RFFL: variants seen among roughly 807,000 people sequenced by gnomAD.
The protein encoded by RFFL is ring finger and FYVE like domain containing E3 ubiquitin protein ligase, also known as E3 ubiquitin-protein ligase rififylin.
A neutral mutation model predicts 40.4 loss-of-function variants in RFFL; 16 were observed. The ratio of observed to expected loss-of-function variants is 0.40; its 90% CI spans 0.27 to 0.60. The LOEUF (loss-of-function observed/expected upper bound fraction) is 0.60, where lower values mean the gene tolerates loss of function less well. Among genes scored for constraint, RFFL ranks in the 20% least tolerant of loss-of-function variants. RFFL has a pLI of 0.47. For synonymous variants in RFFL, 154 were observed against 167.9 expected, an observed-to-expected ratio of 0.92 and a Z score of 0.64; for missense variants, 367 against 451.7, an observed-to-expected ratio of 0.81 and a Z score of 1.70.
chr17:35,019,256 AG>A (rs1158639681), intron 3 of RFFL, among the ~76,000 whole-genome samples: 2 of 152,222 alleles, frequency 1.3e-5, no homozygotes, highest in African/African-American at 2.4e-5. Flanking sequence ...AAAATCTCAG[AG>A]GAAAAGTACC....
At chr17:35,068,288 C>T (rs2142375164), upstream of RFFL, among the ~76,000 whole-genome samples, 1 of 152,282 alleles carries the variant, frequency 6.6e-6, no homozygotes, top group Middle Eastern at 3.4e-3. Flanking sequence ...AACTTATCGC[C>T]AGAGTATCAG....
At chr17:35,030,760 C>T (rs576945215) in intron 1 of RFFL, among the ~76,000 whole-genome samples, 9 of 151,908 alleles carry the variant, frequency 5.9e-5, no homozygotes, top group South Asian at 2.1e-4. Context: ...TTAAATCACA[C>T]GTTGACAGAC....
chr17:35,069,238 A>T, intron 1 of RFFL: 1 of 456,714 alleles, frequency 2.2e-6, no homozygotes, highest in Non-Finnish European at 4.4e-6. Flanking sequence ...CCAATAAGTC[A>T]AACTTCCTAA....
At chr17:35,051,493 A>G (rs2091231474) in intron 1 of RFFL, among the ~76,000 whole-genome samples, 1 of 152,212 alleles carries the variant, frequency 6.6e-6, no homozygotes. Flanking sequence ...TTCAGTGACA[A>G]TAAAGTACAT....
intron 1 of RFFL, among the ~76,000 whole-genome samples, chr17:35,079,460 G>A (rs117780443): frequency 1.3e-5 from 2 of 152,144 alleles, no homozygotes; most frequent in African/African-American, 2.4e-5. Flanking sequence ...AATTGTCAAC[G>A]TATTTTCCTT....
At chr17:35,058,290 A>G (rs2091271834) in intron 1 of RFFL, among the ~76,000 whole-genome samples, 1 of 152,184 alleles carries the variant, frequency 6.6e-6, no homozygotes, top group Non-Finnish European at 1.5e-5. Context: ...TTATGTGCCA[A>G]CACAACACCC....
intron 1 of RFFL, among the ~76,000 whole-genome samples, chr17:35,038,013 C>T (rs2091134889): frequency 6.6e-6 from 1 of 150,906 alleles, no homozygotes; most frequent in Non-Finnish European, 1.5e-5. Context: ...AGCAGACGGG[C>T]ATGGTGGCTC....
chr17:35,021,448 G>A lies in RFFL; in HGVS notation c.514C>T (p.Pro172Ser). 6.4e-7 allele frequency: 1 copy of A among 1,552,896 alleles called. No homozygotes were observed. Among genetic ancestry groups the A allele is most frequent in the Non-Finnish European group, 8.7e-7 (1 of 1,152,234 alleles). The change falls in exon 3 of 7, where the codon CCT becomes TCT. Residue 172 changes from proline to serine, a missense_variant. By Grantham distance (74) the Pro-to-Ser change is moderately conservative. Coordinates refer to ENST00000394597, the MANE Select transcript of RFFL (RefSeq NM_001017368.2). ...LTQPHSSMVP[P>S]TSPNLPSSSA... Reference sequence around the variant, plus strand: ...GAAGAGGGGAGGTTGGGTGAGGTAGGTGGAACCATGCTGGAGTGAGGCTGG... The same window carrying A: ...GAAGAGGGGAGGTTGGGTGAGGTAGATGGAACCATGCTGGAGTGAGGCTGG...
At chr17:35,032,956 G>T (rs1026431404) in intron 1 of RFFL, among the ~76,000 whole-genome samples, 1 of 152,076 alleles carries the variant, frequency 6.6e-6, no homozygotes, top group Non-Finnish European at 1.5e-5. Context: ...TGTGCTCTTT[G>T]CCTAAGCAGT....
rs577248889 is a variant in RFFL at position 35,058,906 on chromosome 17, A to C, written c.-9+4670T>G. On this transcript the variant is annotated intron_variant, in intron 1 of 6. Transcript: ENST00000394597. ...TGGGCTATAATTGTGACTTACTCTG[A>C]CAAAAAGAATGGGGCAAAAGTGATG... 4.0e-4 allele frequency among the ~76,000 whole-genome samples: 61 copies of C among 152,192 alleles called. 1 individual carries two copies. In the South Asian group the frequency reaches 0.012, roughly 30 times the overall value.
chr17:35,036,164 A>C (rs1267193543), intron 1 of RFFL, among the ~76,000 whole-genome samples: 2 of 152,234 alleles, frequency 1.3e-5, no homozygotes, highest in Non-Finnish European at 2.9e-5. Context: ...ACGCTATATA[A>C]GCTAAAATAC....
chr17:35,048,031 C>G (rs190050392), intron 1 of RFFL, among the ~76,000 whole-genome samples: 1 of 152,092 alleles, frequency 6.6e-6, no homozygotes, highest in Admixed American at 6.5e-5. Flanking sequence ...GGATTATAGG[C>G]GTGAACCACT....
chr17:35,041,956 A>G (rs1169338263), intron 1 of RFFL, among the ~76,000 whole-genome samples: 1 of 152,204 alleles, frequency 6.6e-6, no homozygotes, highest in Non-Finnish European at 1.5e-5. Context: ...CAGAGGTTGC[A>G]GTGAGCCAAG....
chr17:35,016,394 C>G lies in RFFL; in HGVS notation c.862G>C (p.Asp288His). The stretch of plus-strand genomic sequence containing the variant: ...CCCAGGTGCTGGAGTCCTTTCTGAT[C>G]CTTGTATAGCCGGGTCACTCTCTCC... ...LMERVTRLYK[D>H]QKGLQHLVSG... The change falls in exon 5 of 7, where the codon GAT (aspartate) becomes CAT (histidine). Residue 288 changes from aspartate (D) to histidine (H), a missense_variant. Physicochemically the swap from Asp to His is moderately conservative, Grantham distance 81. Transcript: ENST00000394597. 1 of 1,614,190 alleles carries G rather than the reference C, an allele frequency of 6.2e-7. No individual in the cohort carries two copies. Among genetic ancestry groups the G allele is most frequent in the Non-Finnish European group, 8.5e-7 (1 of 1,180,018 alleles).
chr17:35,062,429 G>A (rs1320620797), intron 1 of RFFL, among the ~76,000 whole-genome samples: 1 of 152,050 alleles, frequency 6.6e-6, no homozygotes, highest in African/African-American at 2.4e-5. Flanking sequence ...GTTGATGAGA[G>A]GATCAGAGTT....
intron 1 of RFFL, among the ~76,000 whole-genome samples, chr17:35,087,088 G>A (rs572500266): frequency 3.9e-5 from 6 of 152,244 alleles, no homozygotes; most frequent in East Asian, 3.9e-4. Context: ...GGCCTGGCGC[G>A]GTGGCTCACA....
chr17:35,063,902 T>G (rs148214897), upstream of RFFL: 7 of 152,330 alleles, frequency 4.6e-5, no homozygotes, highest in African/African-American at 1.7e-4. Context: ...TGCTGATTAC[T>G]GGGGGCAGGT....
intron 1 of RFFL, among the ~76,000 whole-genome samples, chr17:35,035,022 T>C (rs904999301): frequency 1.3e-5 from 2 of 152,170 alleles, no homozygotes; most frequent in African/African-American, 4.8e-5. Flanking sequence ...CACACTATTT[T>C]TATTCTCTTA....
intron 1 of RFFL, among the ~76,000 whole-genome samples, chr17:35,059,439 G>C (rs1168520438): frequency 6.6e-6 from 1 of 152,108 alleles, no homozygotes; most frequent in Non-Finnish European, 1.5e-5. Flanking sequence ...GGATCCTCCA[G>C]CTCAATCAGC....
Sources: allele counts gnomAD v4.1 joint callset (sites outside exome capture counted in the v4.1 genomes callset), GRCh38; gene constraint gnomAD v4.1.1; transcripts MANE v1.5; gene names NCBI Gene and HGNC (gene_info 2026-07-23, HGNC 2026-07-21).